Variants in ETV1 observed in about 807,000 individuals in gnomAD.
ETV1 encodes the protein ETS variant transcription factor 1.
In ETV1, 27 loss-of-function variants were observed where a neutral mutation model predicts 62.3. The observed-to-expected ratio is 0.43, with a 90% CI of 0.32 to 0.60. The LOEUF (loss-of-function observed/expected upper bound fraction) is 0.60. ETV1 is among the 20% of genes least tolerant of loss of function. ETV1 has a pLI of 0.06. For missense variants in ETV1, 605 were observed against 605.8 expected, an observed-to-expected ratio of 1.00 and a Z score of 0.01; for synonymous variants, 222 against 199.6, an observed-to-expected ratio of 1.11 and a Z score of -0.94.
At chr7:13,932,046 A>ACACC (rs1554298790) in intron 8 of ETV1, among the ~76,000 whole-genome samples, 3 of 145,354 alleles carry the variant, frequency 2.1e-5, no homozygotes, top group Non-Finnish European at 4.6e-5. Flanking sequence ...TTACACACCC[A>ACACC]CACACACACA....
At chr7:13,990,182 A>C (rs994259120), upstream of ETV1, among the ~76,000 whole-genome samples, 1 of 152,024 alleles carries the variant, frequency 6.6e-6, no homozygotes, top group Non-Finnish European at 1.5e-5. Context: ...CTTTTGGCCC[A>C]ATTTATTTTC....
At chr7:13,981,077 T>G (rs1781933843) in intron 5 of ETV1, among the ~76,000 whole-genome samples, 2 of 152,044 alleles carry the variant, frequency 1.3e-5, no homozygotes, top group East Asian at 1.9e-4. Flanking sequence ...TCTTACAAAC[T>G]ATGTGCCTGT....
intron 12 of ETV1, among the ~76,000 whole-genome samples, chr7:13,902,633 A>G (rs1782556487): frequency 6.6e-6 from 1 of 152,158 alleles, no homozygotes; most frequent in Non-Finnish European, 1.5e-5. Flanking sequence ...CAGCCGAACT[A>G]TATGCAAACC....
intron 7 of ETV1, among the ~76,000 whole-genome samples, chr7:13,938,351 T>C (rs1278419153): frequency 6.6e-6 from 1 of 152,242 alleles, no homozygotes; most frequent in East Asian, 1.9e-4. Context: ...ACAATGAATC[T>C]GAATTGATAT....
intron 11 of ETV1, 45 bp downstream of exon 11, chr7:13,909,587 C>G (rs368117063): frequency 2.9e-5 from 40 of 1,386,412 alleles, no homozygotes; most frequent in Middle Eastern, 3.6e-4. Flanking sequence ...GGTAATCACT[C>G]CATCTTTAAA....
intron 6 of ETV1, among the ~76,000 whole-genome samples, chr7:13,958,110 T>C (rs755623822): frequency 1.7e-4 from 26 of 152,260 alleles, no homozygotes; most frequent in Non-Finnish European, 3.2e-4. Flanking sequence ...ACATAAAATT[T>C]CTGGTATATA....
At chr7:13,975,634 A>G (rs74924550) in intron 6 of ETV1, among the ~76,000 whole-genome samples, 3,852 of 150,546 alleles carry the variant, frequency 0.026, 118 homozygotes, top group East Asian at 0.15. Flanking sequence ...CTAGGGAAAG[A>G]AGAGGTCCAC....
intron 8 of ETV1, among the ~76,000 whole-genome samples, chr7:13,934,643 A>G (rs1264727810): frequency 6.6e-6 from 1 of 152,244 alleles, no homozygotes; most frequent in Non-Finnish European, 1.5e-5. Flanking sequence ...AAAACAGAAG[A>G]TAAAAATGCA....
intron 3 of ETV1, chr7:13,988,703 C>G (rs1782792456): frequency 6.2e-7 from 1 of 1,612,434 alleles, no homozygotes; most frequent in Non-Finnish European, 8.5e-7. Context: ...ATGTGGCAGA[C>G]AAACCCAGCC....
At chr7:13,922,875 A>C (rs1284543026) in intron 9 of ETV1, among the ~76,000 whole-genome samples, 1 of 152,232 alleles carries the variant, frequency 6.6e-6, no homozygotes, top group East Asian at 1.9e-4. Flanking sequence ...AGGATGAAAG[A>C]AAAGTGTATT....
intron 6 of ETV1, among the ~76,000 whole-genome samples, chr7:13,973,538 AT>A (rs1781107976): frequency 2.6e-5 from 4 of 152,062 alleles, no homozygotes; most frequent in Admixed American, 2.6e-4. Flanking sequence ...TTTTTAAATC[AT>A]TTCCCTCTTG....
At chr7:13,952,195 C>T (rs954169758) in intron 6 of ETV1, among the ~76,000 whole-genome samples, 3 of 152,190 alleles carry the variant, frequency 2.0e-5, no homozygotes, top group African/African-American at 7.2e-5. Flanking sequence ...CAGCTAGCTG[C>T]ATAATCATGG....
intron 6 of ETV1, among the ~76,000 whole-genome samples, chr7:13,968,801 A>G (rs962864411): frequency 1.3e-5 from 2 of 152,028 alleles, no homozygotes; most frequent in African/African-American, 4.8e-5. Context: ...GTCAACTTAC[A>G]GATAAGTAAG....
At chr7:13,930,310 G>A (rs1379681285) in intron 9 of ETV1, among the ~76,000 whole-genome samples, 2 of 152,002 alleles carry the variant, frequency 1.3e-5, no homozygotes, top group Admixed American at 1.3e-4. Context: ...CAAAGTTGGT[G>A]GTACTATTTG....
rs1458309029 is a variant in ETV1 at position 13,894,786 on chromosome 7, A to G, written c.*1080T>C. 4.3e-6 allele frequency: 1 copy of G among 232,618 alleles called. No individual in the cohort carries two copies. The highest frequency in any genetic ancestry group is 8.5e-6 in the Non-Finnish European group (1 of 117,496). 14.4% of individuals were successfully genotyped at this position (232,618 alleles called of 1,614,324 possible). A position where few individuals can be genotyped will look rare whatever the true frequency, so the allele number is the denominator to read the frequency against. ...AGCATTAGCATTATCTAATATTTAT[A>G]TATGTTATCAACATAACACAGCAGT... On this transcript the variant is annotated 3_prime_UTR_variant, in exon 14 of 14. Coordinates refer to ENST00000430479, the MANE Select transcript of ETV1 (RefSeq NM_004956.5).
At position 13,893,695 on chromosome 7, in the gene ETV1, A is replaced by G. The variant is rs953679460; in HGVS notation, c.*2171T>C. The G allele has an allele frequency of 1.3e-5, 3 of 232,606 alleles. No homozygotes were observed. Among genetic ancestry groups the G allele is most frequent in the African/African-American group, 2.2e-5 (1 of 45,302 alleles). The allele number at this position is 232,606 out of a possible 1,614,324, so 14.4% of individuals were successfully genotyped here. On this transcript the variant is annotated 3_prime_UTR_variant, in exon 14 of 14. Transcript: ENST00000430479. ...CATTCAGAATATATTTTAAAGACTC[A>G]CTTAAATTTTCTCCTTCAATTTCAC...
chr7:13,976,154 A>G (rs1381043220), intron 6 of ETV1, among the ~76,000 whole-genome samples: 1 of 152,154 alleles, frequency 6.6e-6, no homozygotes, highest in Admixed American at 6.5e-5. Flanking sequence ...AGCATTATAC[A>G]GTTTTCTTCT....
intron 9 of ETV1, among the ~76,000 whole-genome samples, chr7:13,914,148 G>A (rs939220607): frequency 6.6e-6 from 1 of 151,436 alleles, no homozygotes; most frequent in Non-Finnish European, 1.5e-5. Flanking sequence ...GCCTCCCAAA[G>A]TGCTGGGATT....
intron 12 of ETV1, chr7:13,906,169 C>T: frequency 3.3e-6 from 1 of 301,884 alleles, no homozygotes; most frequent in South Asian, 1.3e-4. Context: ...GCCAGACATT[C>T]TTAAATAAAG....
Sources: gnomAD v4.1 joint callset for allele counts (sites outside exome capture counted in the v4.1 genomes callset) on GRCh38, gnomAD v4.1.1 for gene constraint, MANE v1.5 for transcripts, NCBI Gene and HGNC (gene_info 2026-07-23, HGNC 2026-07-21) for gene names.